CTNNA2: variants seen among roughly 807,000 people sequenced by gnomAD.
The protein encoded by CTNNA2 is catenin alpha-2.
In CTNNA2, 42 loss-of-function variants were observed where a neutral mutation model predicts 101.0. That is an observed-to-expected ratio of 0.42 (90% CI 0.32 to 0.54). The LOEUF (loss-of-function observed/expected upper bound fraction) is 0.54. Ranked by LOEUF, CTNNA2 falls within the 20% of genes least tolerant of loss-of-function variation. CTNNA2 has a pLI of 0.14. For missense variants in CTNNA2, 871 were observed against 1,223.1 expected (o/e 0.71, Z 4.29); for synonymous variants, 450 against 456.4 (o/e 0.99, Z 0.18).
intron 3 of CTNNA2, among the ~76,000 whole-genome samples, chr2:79,802,006 A>C: frequency 6.6e-6 from 1 of 151,172 alleles, no homozygotes; most frequent in African/African-American, 2.4e-5. Flanking sequence ...AAAAAAAAAA[A>C]AAAAAAATGA....
At chr2:79,658,343 A>T (rs1216135425) in intron 2 of CTNNA2, among the ~76,000 whole-genome samples, 1 of 151,948 alleles carries the variant, frequency 6.6e-6, no homozygotes, top group Non-Finnish European at 1.5e-5. Flanking sequence ...AGGACAAGTG[A>T]GATGGTTTAA....
At chr2:79,432,659 C>A (rs1678670671) in intron 4 of CTNNA2, among the ~76,000 whole-genome samples, 3 of 152,188 alleles carry the variant, frequency 2.0e-5, no homozygotes. Flanking sequence ...TAAAGATCAA[C>A]TACCCCTCCC....
At chr2:80,492,278 C>T (rs552779288) in intron 9 of CTNNA2, among the ~76,000 whole-genome samples, 2 of 152,216 alleles carry the variant, frequency 1.3e-5, no homozygotes, top group Admixed American at 6.5e-5. Flanking sequence ...CTTTGCCTTC[C>T]GTCATGACTA....
intron 6 of CTNNA2, among the ~76,000 whole-genome samples, chr2:79,901,953 A>G (rs903387545): frequency 6.6e-6 from 1 of 152,246 alleles, no homozygotes; most frequent in African/African-American, 2.4e-5. Flanking sequence ...AGCCAAAGAA[A>G]GACTGAGCAA....
At chr2:80,594,214 G>T (rs1459264507) in intron 15 of CTNNA2, among the ~76,000 whole-genome samples, 2 of 151,914 alleles carry the variant, frequency 1.3e-5, no homozygotes, top group African/African-American at 4.8e-5. Context: ...GTCTCATGGT[G>T]GTTTTAATTT....
intron 3 of CTNNA2, among the ~76,000 whole-genome samples, chr2:79,790,526 T>A (rs1352863517): frequency 6.6e-6 from 1 of 152,164 alleles, no homozygotes; most frequent in South Asian, 2.1e-4. Flanking sequence ...TGATTGTTGA[T>A]TAAATAAATG....
At chr2:79,892,887 G>A (rs1281566218) in intron 6 of CTNNA2, among the ~76,000 whole-genome samples, 1 of 152,154 alleles carries the variant, frequency 6.6e-6, no homozygotes, top group African/African-American at 2.4e-5. Context: ...CAGATGACTT[G>A]TTCTAATTGT....
chr2:80,348,529 G>T (rs1672987265), intron 7 of CTNNA2, among the ~76,000 whole-genome samples: 2 of 152,142 alleles, frequency 1.3e-5, no homozygotes, highest in African/African-American at 4.8e-5. Flanking sequence ...CATTTGAAAA[G>T]TCTTTATCTG....
At chr2:79,808,604 A>T (rs1227387458) in intron 3 of CTNNA2, among the ~76,000 whole-genome samples, 7 of 152,110 alleles carry the variant, frequency 4.6e-5, no homozygotes, top group Non-Finnish European at 7.4e-5. Context: ...TTCTTTTATG[A>T]ATCATGATTT....
In CTNNA2 at chr2:80,008,988, G is replaced by T. The variant is rs142922488; in HGVS notation, c.1056+99191G>T. Among the ~76,000 whole-genome samples, 4 of 152,254 alleles carry T rather than the reference G, an allele frequency of 2.6e-5. 1 individual carries two copies. The East Asian group carries it at 7.7e-4, about 29-fold the overall frequency. On this transcript the variant is annotated intron_variant, in intron 7 of 18. Coordinates refer to ENST00000402739, the MANE Select transcript of CTNNA2 (RefSeq NM_001282597.3). ...GACACTGAAATGCCAGAGGAAGCTG[G>T]TTCTGTTTAAAACAAAACAAAGTGA...
At position 80,598,335 on chromosome 2, in the gene CTNNA2, G is replaced by A. The variant is rs143685621; in HGVS notation, c.2190-5739G>A. Among the ~76,000 whole-genome samples the A allele has an allele frequency of 1.4e-3, 218 of 152,184 alleles. 2 individuals are homozygous for A. Among genetic ancestry groups the A allele is most frequent in the African/African-American group, 5.1e-3 (212 of 41,538 alleles). ...GGAGCAAGGGAAGGAAGAGCATTAG[G>A]ACAAATACCTAACACATGCGGGGCT... On this transcript the variant is annotated intron_variant, in intron 15 of 18. Transcript: ENST00000402739.
intron 1 of CTNNA2, among the ~76,000 whole-genome samples, chr2:79,616,909 C>CTTTTTTTCTTTTTTT (rs1678659201): frequency 6.8e-6 from 1 of 146,346 alleles, no homozygotes; most frequent in East Asian, 2.0e-4. Flanking sequence ...TTCTTTCTTT[C>CTTTTTTTCTTTTTTT]TTTTTTTTTC....
Position 80,574,279 on chromosome 2 carries a change from G to A in CTNNA2, c.1858G>A (p.Val620Ile), listed in dbSNP as rs765711976. The change falls in exon 13 of 19, where the codon GTT becomes ATT. Residue 620 changes from valine to isoleucine, a missense_variant. By Grantham distance (29) the Val-to-Ile change is conservative. Coordinates refer to ENST00000402739, the MANE Select transcript of CTNNA2 (RefSeq NM_001282597.3). ...IDASRLVYDGVRDIRKAVLMI... is the reference protein window; with the variant it reads ...IDASRLVYDGIRDIRKAVLMI... ...TGCCTCTCGCCTGGTGTATGATGGC[G>A]TTCGGGACATCAGAAAGGCTGTGCT... 16 of 1,613,004 alleles carry A rather than the reference G, an allele frequency of 9.9e-6. 1 individual carries two copies. Among genetic ancestry groups the A allele is most frequent in the South Asian group, 5.5e-5 (5 of 91,022 alleles).
chr2:80,071,737 C>T (rs548226740), intron 7 of CTNNA2, among the ~76,000 whole-genome samples: 3 of 152,274 alleles, frequency 2.0e-5, no homozygotes, highest in Non-Finnish European at 2.9e-5. Context: ...TGCTGTTCAA[C>T]GTTGTACAGA....
Position 79,584,564 on chromosome 2 carries a change from G to A in CTNNA2, c.-5-66988G>A, listed in dbSNP as rs2861853. 7.1e-3 allele frequency among the ~76,000 whole-genome samples: 1,033 copies of A among 145,612 alleles called. 17 individuals are homozygous for A. Among genetic ancestry groups the A allele is most frequent in the African/African-American group, 0.025 (990 of 39,352 alleles). On this transcript the variant is annotated intron_variant, in intron 1 of 18. Coordinates refer to ENST00000402739, the MANE Select transcript of CTNNA2 (RefSeq NM_001282597.3). Reference sequence around the variant, plus strand: ...TTTTTGACGGAGTCTTGCTCTTGTCGCCCAGGCTGGAGTGCAATGGCACGA... The same window carrying A: ...TTTTTGACGGAGTCTTGCTCTTGTCACCCAGGCTGGAGTGCAATGGCACGA...
intron 4 of CTNNA2, among the ~76,000 whole-genome samples, chr2:79,390,284 A>G (rs1042801651): frequency 1.3e-5 from 2 of 152,224 alleles, no homozygotes; most frequent in Non-Finnish European, 2.9e-5. Flanking sequence ...GTGGATAATT[A>G]TATTGAATTT....
At chr2:80,530,141 G>A (rs1267029900) in intron 9 of CTNNA2, among the ~76,000 whole-genome samples, 2 of 152,064 alleles carry the variant, frequency 1.3e-5, no homozygotes, top group East Asian at 3.9e-4. Context: ...GTGGTTACTC[G>A]AAGGTCACCT....
At chr2:79,274,269 G>T (rs967333835) in intron 2 of CTNNA2, among the ~76,000 whole-genome samples, 5 of 152,040 alleles carry the variant, frequency 3.3e-5, no homozygotes, top group Non-Finnish European at 7.4e-5. Flanking sequence ...CTTGTGAGTG[G>T]TTAGCTTAAT....
chr2:80,395,974 G>C (rs1158997627), intron 8 of CTNNA2, among the ~76,000 whole-genome samples: 1 of 152,154 alleles, frequency 6.6e-6, no homozygotes, highest in South Asian at 2.1e-4. Context: ...TTTGGGCAGT[G>C]CTTTTCAGAA....
Sources: gnomAD v4.1 joint callset for allele counts (sites outside exome capture counted in the v4.1 genomes callset) on GRCh38, gnomAD v4.1.1 for gene constraint, MANE v1.5 for transcripts, NCBI Gene and HGNC (gene_info 2026-07-23, HGNC 2026-07-21) for gene names.